Variants in TAB2 observed in about 807,000 individuals in gnomAD.
TAB2 encodes the protein TGF-beta-activated kinase 1 and MAP3K7-binding protein 2.
TAB2 carries 3 observed loss-of-function variants against 65.0 expected under a neutral mutation model. The ratio of observed to expected loss-of-function variants is 0.05; its 90% CI spans 0.02 to 0.12. The LOEUF (loss-of-function observed/expected upper bound fraction) is 0.12, where lower values mean the gene tolerates loss of function less well. Among genes scored for constraint, TAB2 ranks in the 10% least tolerant of loss-of-function variants. TAB2 has a pLI of 1.00. For synonymous variants in TAB2, 298 were observed against 285.1 expected (o/e 1.05, Z -0.46); for missense variants, 623 against 840.3 (o/e 0.74, Z 3.20).
chr6:149,409,240 G>T lies in TAB2; in HGVS notation c.1940-337G>T, dbSNP rs1457184907. Reference sequence around the variant, plus strand: ...TTATGTACACTGACAGTATTGTTTTGCAGTAGGACAGCTTTTTACAATCTT... The same window carrying T: ...TTATGTACACTGACAGTATTGTTTTTCAGTAGGACAGCTTTTTACAATCTT... On this transcript the variant is annotated intron_variant, in intron 6 of 6. Coordinates refer to ENST00000637181, the MANE Select transcript of TAB2 (RefSeq NM_001292034.3). Among the ~76,000 whole-genome samples, 3 of 152,170 alleles carry T rather than the reference G, an allele frequency of 2.0e-5. No individual in the cohort carries two copies. The East Asian group carries it at 5.8e-4, about 29-fold the overall frequency.
intron 1 of TAB2, chr6:149,218,789 A>G: frequency 6.6e-6 from 3 of 456,008 alleles, no homozygotes; most frequent in Non-Finnish European, 1.3e-5. Flanking sequence ...AAGGCAGGAA[A>G]CAGTCATTGT....
At chr6:149,334,329 A>G (rs2114761065) in intron 1 of TAB2, among the ~76,000 whole-genome samples, 1 of 152,214 alleles carries the variant, frequency 6.6e-6, no homozygotes, top group Admixed American at 6.5e-5. Flanking sequence ...TTAGGGAGGA[A>G]AGTGACACGA....
At chr6:149,285,534 C>T (rs1033941421) in intron 1 of TAB2, among the ~76,000 whole-genome samples, 5 of 152,226 alleles carry the variant, frequency 3.3e-5, no homozygotes, top group Non-Finnish European at 5.9e-5. Flanking sequence ...ACAAGGAATC[C>T]TTCCACCACA....
intron 1 of TAB2, among the ~76,000 whole-genome samples, chr6:149,367,294 G>A (rs1017417289): frequency 6.6e-5 from 10 of 152,138 alleles, no homozygotes; most frequent in African/African-American, 2.4e-4. Context: ...TGTCTCTGAA[G>A]AAGTGACATT....
chr6:149,398,832 T>C (rs1782265997), intron 5 of TAB2, among the ~76,000 whole-genome samples: 1 of 152,160 alleles, frequency 6.6e-6, no homozygotes, highest in Non-Finnish European at 1.5e-5. Context: ...AGAACAGGGA[T>C]CTACTTCTAC....
intron 3 of TAB2, among the ~76,000 whole-genome samples, chr6:149,389,725 T>C (rs574642951): frequency 1.5e-4 from 23 of 151,930 alleles, no homozygotes; most frequent in Admixed American, 6.6e-4. Flanking sequence ...ATCCAAGTTA[T>C]ATTGTTTTGA....
chr6:149,335,311 A>G (rs999291529), intron 1 of TAB2, among the ~76,000 whole-genome samples: 1 of 151,118 alleles, frequency 6.6e-6, no homozygotes, highest in African/African-American at 2.4e-5. Context: ...ATATGTATGT[A>G]TGTATGTATT....
chr6:149,396,218 A>C (rs74335455), intron 3 of TAB2, among the ~76,000 whole-genome samples: 2 of 152,158 alleles, frequency 1.3e-5, no homozygotes, highest in Non-Finnish European at 1.5e-5. Context: ...AGGTTTCACC[A>C]TGTTGGCCAG....
Position 149,307,572 on chromosome 6 carries a change from G to C in TAB2, c.-120-70446G>C, listed in dbSNP as rs575203738. 1.4e-4 allele frequency among the ~76,000 whole-genome samples: 22 copies of C among 152,190 alleles called. No individual in the cohort carries two copies. The South Asian group carries it at 4.6e-3, about 32-fold the overall frequency. ...TGTGGAAATGAGGTCAGTACTCTGT[G>C]ATTGTCATTTTGTTCCAAATTCTTG... On this transcript the variant is annotated intron_variant, in intron 1 of 1. Transcript: ENST00000606202.
intron 3 of TAB2, among the ~76,000 whole-genome samples, chr6:149,382,227 A>G (rs1338119701): frequency 2.0e-5 from 3 of 152,206 alleles, no homozygotes; most frequent in Non-Finnish European, 4.4e-5. Context: ...TATTTGCACT[A>G]GTATTATTTT....
At chr6:149,290,689 C>CA (rs972894299) in intron 1 of TAB2, among the ~76,000 whole-genome samples, 14 of 151,868 alleles carry the variant, frequency 9.2e-5, no homozygotes, top group Admixed American at 1.3e-4. Flanking sequence ...ACTAAAAAGA[C>CA]AAAAAAATAG....
intron 1 of TAB2, among the ~76,000 whole-genome samples, chr6:149,235,316 A>G (rs1226706096): frequency 6.6e-6 from 1 of 152,230 alleles, no homozygotes; most frequent in East Asian, 1.9e-4. Context: ...TGAAGGCTCC[A>G]TAAGCCACAA....
intron 1 of TAB2, among the ~76,000 whole-genome samples, chr6:149,253,942 G>GAAAGAAAGAAAGAA (rs758067285): frequency 1.7e-5 from 1 of 59,116 alleles, no homozygotes; most frequent in Non-Finnish European, 3.8e-5. Flanking sequence ...AAGAAAGAAA[G>GAAAGAAAGAAAGAA]AGAAAGAAAG....
At chr6:149,399,786 C>T (rs1782308419) in intron 6 of TAB2, among the ~76,000 whole-genome samples, 1 of 152,118 alleles carries the variant, frequency 6.6e-6, no homozygotes. Flanking sequence ...TACAGATTAA[C>T]ACTTAACCGT....
At chr6:149,345,121 A>G (rs527530191) in intron 1 of TAB2, among the ~76,000 whole-genome samples, 1 of 152,126 alleles carries the variant, frequency 6.6e-6, no homozygotes, top group Non-Finnish European at 1.5e-5. Flanking sequence ...GTAGATGTGT[A>G]ATACTTAGTC....
At chr6:149,350,827 G>A (rs116086653) in intron 1 of TAB2, among the ~76,000 whole-genome samples, 2,386 of 151,980 alleles carry the variant, frequency 0.016, 51 homozygotes, top group South Asian at 0.096. Flanking sequence ...TCATAATTAT[G>A]TAAGAACGGT....
At chr6:149,284,025 C>T (rs184680652) in intron 1 of TAB2, among the ~76,000 whole-genome samples, 16 of 152,278 alleles carry the variant, frequency 1.1e-4, no homozygotes, top group Admixed American at 3.3e-4. Flanking sequence ...TGAACTTACA[C>T]TCCTTTGCCA....
intron 3 of TAB2, among the ~76,000 whole-genome samples, chr6:149,388,492 C>T (rs1395365853): frequency 6.6e-6 from 1 of 152,168 alleles, no homozygotes; most frequent in Admixed American, 6.5e-5. Flanking sequence ...GTTTATGCTC[C>T]CATACTTACA....
At chr6:149,329,824 T>C (rs759935930) in intron 1 of TAB2, among the ~76,000 whole-genome samples, 54 of 152,168 alleles carry the variant, frequency 3.5e-4, no homozygotes, top group Non-Finnish European at 6.8e-4. Flanking sequence ...ATTTGTATTT[T>C]CCCCCTCACT....
Sources: gnomAD v4.1 joint callset for allele counts (sites outside exome capture counted in the v4.1 genomes callset) on GRCh38, gnomAD v4.1.1 for gene constraint, MANE v1.5 for transcripts, NCBI Gene and HGNC (gene_info 2026-07-23, HGNC 2026-07-21) for gene names.